The following PUSL1 variants were observed in gnomAD, a reference collection of about 807,000 sequenced individuals.
The protein encoded by PUSL1 is tRNA pseudouridine synthase-like 1.
Under a neutral mutation model 30.7 loss-of-function variants are expected in PUSL1, and 51 were observed. The ratio of observed to expected loss-of-function variants is 1.66; its 90% CI spans 1.33 to 2.10. PUSL1 has a LOEUF of 2.10. Among genes scored for constraint, PUSL1 ranks in the 30% most tolerant of loss-of-function variants. The pLI is 0.00. For synonymous variants in PUSL1, 290 were observed against 192.1 expected (o/e 1.51, Z -4.21); for missense variants, 609 against 427.6 (o/e 1.42, Z -3.74).
intron 3 of PUSL1, 36 bp downstream of exon 3, chr1:1,309,309 C>T (rs367966261): frequency 4.1e-6 from 6 of 1,457,802 alleles, no homozygotes; most frequent in South Asian, 1.4e-5. Context: ...GGGGCTGTGC[C>T]TTCCCGACTC....
chr1:1,309,883 C>A, intron 5 of PUSL1, 32 bp downstream of exon 5: 2 of 1,446,232 alleles, frequency 1.4e-6, no homozygotes, highest in Non-Finnish European at 1.8e-6. Context: ...GTGGCCCTGC[C>A]CTCAAGTCAC....
chr1:1,310,073 GA>G (rs956217133), intron 5 of PUSL1: 13 of 531,108 alleles, frequency 2.4e-5, no homozygotes, highest in Non-Finnish European at 3.7e-5. Flanking sequence ...GCTTGTCTCT[GA>G]AAAACCCCTG....
At chr1:1,310,808 G>A (rs536452439) in intron 6 of PUSL1, 101 bp from the exon 7 acceptor site, 2 of 1,610,196 alleles carry the variant, frequency 1.2e-6, no homozygotes, top group South Asian at 2.2e-5. Context: ...TGACGGCTGT[G>A]CTGGTGGGTC....
intron 5 of PUSL1, 144 bp downstream of exon 5, chr1:1,309,995 G>T (rs1376496044): frequency 3.3e-6 from 2 of 610,712 alleles, no homozygotes; most frequent in Admixed American, 3.5e-5. Flanking sequence ...GAGGGGATTC[G>T]CCCGGACGCC....
Position 1,311,601 on chromosome 1 carries a change from CTT to C in PUSL1, c.*225_*226del, listed in dbSNP as rs1171851401. ...CACCAAGAAGAGAGTACCAAGTAGT[CTT>C]TTGTTCAGCTTTTACTGGAAACTGC... On this transcript the variant is annotated 3_prime_UTR_variant, in exon 8 of 8. Transcript: ENST00000379031. The C allele has an allele frequency of 2.8e-6, 2 of 717,634 alleles. No homozygotes were observed. The highest frequency in any genetic ancestry group is 5.0e-6 in the Non-Finnish European group (2 of 399,660). 44.5% of individuals were successfully genotyped at this position (717,634 alleles called of 1,614,324 possible).
At chr1:1,310,510 C>G (rs1642067046) in intron 5 of PUSL1, 124 bp from the exon 6 acceptor site, 1 of 771,508 alleles carries the variant, frequency 1.3e-6, no homozygotes, top group Admixed American at 2.3e-5. Context: ...CCCCTGGTGG[C>G]CAAGCTAGTG....
At chr1:1,309,625 G>A (rs1286352851) in intron 4 of PUSL1, 22 bp downstream of exon 4, 8 of 1,598,214 alleles carry the variant, frequency 5.0e-6, no homozygotes, top group East Asian at 2.3e-5. Context: ...CCTGACAGCG[G>A]GGAGGGGGCG....
intron 4 of PUSL1, 29 bp from the exon 5 acceptor site, chr1:1,309,652 C>A (rs373311021): frequency 1.3e-6 from 2 of 1,596,626 alleles, no homozygotes; most frequent in Non-Finnish European, 1.7e-6. Flanking sequence ...CCGGCCCCAC[C>A]CTCCTGACGG....
chr1:1,310,662 G>C lies in PUSL1; in HGVS notation c.673G>C (p.Glu225Gln). 7 of 1,586,462 alleles carry C rather than the reference G, an allele frequency of 4.4e-6. No homozygotes were observed. The highest frequency in any genetic ancestry group is 6.0e-6 in the Non-Finnish European group (7 of 1,162,450). The change falls in exon 6 of 8, where the codon GAG (glutamate) becomes CAG (glutamine). Residue 225 changes from glutamate to glutamine, a missense_variant. Coordinates refer to ENST00000379031, the MANE Select transcript of PUSL1 (RefSeq NM_153339.3). ...RKLRFWNLEF[E>Q]SQSFLYRQVR... ...GCTGCGGTTCTGGAACCTGGAGTTT[G>C]AGAGCCAGTCTTTCCTGTATAGACA...
Position 1,309,585 on chromosome 1 carries a change from G to T in PUSL1, c.455G>T (p.Cys152Phe). ...CTGCCGGTGTTTGAACGCAACCTAT[G>T]CTGGACTCTCCCGGCAGAGTGAGTG... ...DELPVFERNL[C>F]WTLPADCLDM... Residue 152 changes from cysteine to phenylalanine, a missense_variant, in exon 4 of 8, where the codon TGC becomes TTC. By Grantham distance (205) the Cys-to-Phe change is radical. Transcript: ENST00000379031. The T allele has an allele frequency of 6.2e-7, 1 of 1,611,732 alleles. No homozygotes were observed. Among genetic ancestry groups the T allele is most frequent in the Non-Finnish European group, 8.5e-7 (1 of 1,179,510 alleles).
In PUSL1 at chr1:1,309,758, C is replaced by G. The variant is rs1173252542; in HGVS notation, c.551C>G (p.Ala184Gly). The change falls in exon 5 of 8, where the codon GCT (alanine) becomes GGT (glycine). Residue 184 changes from alanine (A) to glycine (G), a missense_variant. By Grantham distance (60) the Ala-to-Gly change is moderately conservative. Transcript: ENST00000379031. ...GTHDFSAFQS[A>G]GSPVPSPVRT... Reference sequence around the variant, plus strand: ...CACGACTTCAGCGCCTTCCAGTCCGCTGGCAGCCCGGTGCCGAGCCCCGTG... The same window carrying G: ...CACGACTTCAGCGCCTTCCAGTCCGGTGGCAGCCCGGTGCCGAGCCCCGTG... 7.6e-6 allele frequency: 12 copies of G among 1,584,878 alleles called. No individual in the cohort carries two copies. The highest frequency in any genetic ancestry group is 1.0e-5 in the Non-Finnish European group (12 of 1,166,034).
chr1:1,308,616 C>T lies in PUSL1; in HGVS notation c.-28C>T, dbSNP rs916567629. On this transcript the variant is annotated 5_prime_UTR_variant, in exon 1 of 8. Coordinates refer to ENST00000379031, the MANE Select transcript of PUSL1 (RefSeq NM_153339.3). ...CGCAGGATTCCTGCGCTGGAGGCCG[C>T]CTCTGACGCCACCGGCTGGGCTCCG... 6 of 1,438,900 alleles carry T rather than the reference C, an allele frequency of 4.2e-6. No homozygotes were observed. Among genetic ancestry groups the T allele is most frequent in the Non-Finnish European group, 3.7e-6 (4 of 1,081,904 alleles). 89.1% of individuals were successfully genotyped at this position (1,438,900 alleles called of 1,614,324 possible).
At chr1:1,310,546 C>G (rs1642069348) in intron 5 of PUSL1, 88 bp from the exon 6 acceptor site, 1 of 1,074,022 alleles carries the variant, frequency 9.3e-7, no homozygotes, top group Admixed American at 2.3e-5. Context: ...TTTAGGCCCA[C>G]CCTGTCACTC....
chr1:1,309,719 A>T lies in PUSL1; in HGVS notation c.512A>T (p.His171Leu), dbSNP rs1557621750. 6.3e-7 allele frequency: 1 copy of T among 1,596,594 alleles called. No homozygotes were observed. Among genetic ancestry groups the T allele is most frequent in the Admixed American group, 1.7e-5 (1 of 59,074 alleles). The change falls in exon 5 of 8, where the codon CAC (histidine) becomes CTC (leucine). Residue 171 changes from histidine to leucine, a missense_variant. Physicochemically the swap from His to Leu is moderately conservative, Grantham distance 99. Coordinates refer to ENST00000379031, the MANE Select transcript of PUSL1 (RefSeq NM_153339.3). ...DMVAMQEAAQ[H>L]LLGTHDFSAF... ...GTCGCCATGCAGGAAGCCGCCCAGC[A>T]CCTCCTCGGCACACACGACTTCAGC...
intron 1 of PUSL1, 48 bp from the exon 2 acceptor site, chr1:1,308,867 C>T: frequency 5.6e-6 from 8 of 1,422,710 alleles, no homozygotes; most frequent in Non-Finnish European, 7.4e-6. Context: ...GCGGCGGAGA[C>T]CCCAGGGCAG....
chr1:1,311,184 C>A, intron 7 of PUSL1, 113 bp downstream of exon 7: 1 of 1,453,246 alleles, frequency 6.9e-7, no homozygotes, highest in Non-Finnish European at 9.3e-7. Flanking sequence ...GTGAAGCAGC[C>A]CCCCGCCCAG....
chr1:1,309,540 G>A lies in PUSL1; in HGVS notation c.410G>A (p.Gly137Asp), dbSNP rs757478910. 6.2e-6 allele frequency: 10 copies of A among 1,611,080 alleles called. No homozygotes were observed. Among genetic ancestry groups the A allele is most frequent in the South Asian group, 2.2e-5 (2 of 90,928 alleles). The change falls in exon 4 of 8, where the codon GGC becomes GAC. Residue 137 changes from glycine to aspartate, a missense_variant. By Grantham distance (94) the Gly-to-Asp change is moderately conservative. Coordinates refer to ENST00000379031, the MANE Select transcript of PUSL1 (RefSeq NM_153339.3). ...ACCTACCTGTACCGCCTGGCCACTG[G>A]CTGTCACCGGCGTGATGAGCTGCCG... ...SRTYLYRLAT[G>D]CHRRDELPVF...
At chr1:1,310,277 T>G in intron 5 of PUSL1, 2 of 344,598 alleles carry the variant, frequency 5.8e-6, no homozygotes, top group Non-Finnish European at 1.1e-5. Flanking sequence ...CAGACTTCTG[T>G]GGCAGAGCAG....
chr1:1,310,658 G>A lies in PUSL1; in HGVS notation c.669G>A (p.Glu223=), dbSNP rs181405526. 160 of 1,585,420 alleles carry A rather than the reference G, an allele frequency of 1.0e-4. 1 individual carries two copies. The East Asian group carries it at 2.6e-3, about 26-fold the overall frequency. Residue 223 remains glutamate, a synonymous_variant, in exon 6 of 8, where the codon GAG becomes GAA. Coordinates refer to ENST00000379031, the MANE Select transcript of PUSL1 (RefSeq NM_153339.3). ...GGAAGCTGCGGTTCTGGAACCTGGA[G>A]TTTGAGAGCCAGTCTTTCCTGTATA... ...ESRKLRFWNL[E]FESQSFLYRQ...
Sources: gnomAD v4.1 joint callset for allele counts on GRCh38, gnomAD v4.1.1 for gene constraint, MANE v1.5 for transcripts, NCBI Gene and HGNC (gene_info 2026-07-23, HGNC 2026-07-21) for gene names.